The following ADK variants were observed in gnomAD, a reference collection of about 807,000 sequenced individuals.
ADK encodes N6,N6-dimethyladenosine kinase.
ADK carries 24 observed loss-of-function variants against 44.7 expected under a neutral mutation model. The observed-to-expected ratio is 0.54, with a 90% CI of 0.39 to 0.76. The LOEUF (loss-of-function observed/expected upper bound fraction) is 0.76. ADK is among the 30% of genes least tolerant of loss of function. The pLI is 0.00. For missense variants in ADK, 321 were observed against 425.1 expected (o/e 0.76, Z 2.15); for synonymous variants, 128 against 142.6 (o/e 0.90, Z 0.73).
intron 3 of ADK, among the ~76,000 whole-genome samples, chr10:74,256,158 C>T (rs796344749): frequency 8.5e-5 from 13 of 152,296 alleles, no homozygotes; most frequent in African/African-American, 2.9e-4. Context: ...CTGCGTGCAG[C>T]ATATTTATTA....
intron 3 of ADK, among the ~76,000 whole-genome samples, chr10:74,244,830 T>C (rs1237278609): frequency 4.6e-5 from 7 of 152,208 alleles, no homozygotes; most frequent in Admixed American, 4.6e-4. Flanking sequence ...GGGCAAACTA[T>C]GTGGTACAGT....
At chr10:74,240,394 GTGTGTGTC>G (rs1436915652) in intron 3 of ADK, among the ~76,000 whole-genome samples, 2 of 147,986 alleles carry the variant, frequency 1.4e-5, no homozygotes, top group African/African-American at 2.6e-5. Context: ...GTGTGTGTGT[GTGTGTGTC>G]TGTGTGTGTG....
At chr10:74,329,106 CA>C (rs138730631) in intron 4 of ADK, among the ~76,000 whole-genome samples, 2,684 of 82,076 alleles carry the variant, frequency 0.033, 42 homozygotes, top group African/African-American at 0.1. Flanking sequence ...TCTGTGCAGG[CA>C]AAAAAAAAAA....
intron 4 of ADK, among the ~76,000 whole-genome samples, chr10:74,363,068 G>T (rs548399030): frequency 3.3e-5 from 5 of 152,330 alleles, no homozygotes; most frequent in African/African-American, 1.2e-4. Context: ...CACCTCATTG[G>T]CTCAGATTAG....
intron 1 of ADK, among the ~76,000 whole-genome samples, chr10:74,163,401 CTGTTAGAATGATGAATCTCTTTTCTCTG>C (rs1239249280): frequency 6.6e-6 from 1 of 152,170 alleles, no homozygotes; most frequent in Non-Finnish European, 1.5e-5. Flanking sequence ...TCCCAGTGAC[CTGTTAGAATGATGAATCTCTTTTCTCTG>C]TGTTAGCAAG....
intron 9 of ADK, among the ~76,000 whole-genome samples, chr10:74,631,109 T>G (rs570357669): frequency 6.6e-6 from 1 of 152,248 alleles, no homozygotes; most frequent in Non-Finnish European, 1.5e-5. Context: ...ATCTCCAGGT[T>G]CAGCTTGTGT....
At chr10:74,182,471 C>A (rs189351817) in intron 1 of ADK, among the ~76,000 whole-genome samples, 1 of 152,150 alleles carries the variant, frequency 6.6e-6, no homozygotes, top group African/African-American at 2.4e-5. Context: ...CGGGTTCAAG[C>A]AATTATCCTC....
intron 7 of ADK, among the ~76,000 whole-genome samples, chr10:74,568,137 T>C (rs1321402624): frequency 6.6e-6 from 1 of 151,876 alleles, no homozygotes; most frequent in Non-Finnish European, 1.5e-5. Flanking sequence ...GATTATGAGG[T>C]GGGTGTTGCT....
chr10:74,202,579 C>T (rs1018285737), intron 2 of ADK, among the ~76,000 whole-genome samples: 5 of 152,100 alleles, frequency 3.3e-5, no homozygotes, highest in Admixed American at 2.0e-4. Flanking sequence ...GCATTCCTAC[C>T]GGCAGTGCAT....
At chr10:74,641,258 C>G (rs1357975572) in intron 9 of ADK, among the ~76,000 whole-genome samples, 4 of 152,140 alleles carry the variant, frequency 2.6e-5, no homozygotes, top group Non-Finnish European at 4.4e-5. Flanking sequence ...TGGCCCATGC[C>G]TAAAATCCCA....
chr10:74,422,611 ATATC>A (rs1285150448), intron 6 of ADK, among the ~76,000 whole-genome samples: 1 of 152,208 alleles, frequency 6.6e-6, no homozygotes, highest in Non-Finnish European at 1.5e-5. Context: ...ATTTTTCTGT[ATATC>A]TAAGTTCCCA....
chr10:74,199,393 T>C (rs1843288973), intron 1 of ADK, among the ~76,000 whole-genome samples: 1 of 152,200 alleles, frequency 6.6e-6, no homozygotes, highest in African/African-American at 2.4e-5. Context: ...CATCTTTGTG[T>C]CTCTGCGTAC....
At chr10:74,493,529 TATAG>T (rs759922622) in intron 6 of ADK, among the ~76,000 whole-genome samples, 27 of 151,250 alleles carry the variant, frequency 1.8e-4, no homozygotes, top group Non-Finnish European at 3.2e-4. Context: ...TAGATATAGA[TATAG>T]ATAGACATAG....
intron 2 of ADK, among the ~76,000 whole-genome samples, chr10:74,220,413 G>A (rs1189992749): frequency 6.6e-6 from 1 of 151,990 alleles, no homozygotes; most frequent in African/African-American, 2.4e-5. Context: ...AGGACCAGAT[G>A]GATTCACAGC....
intron 3 of ADK, among the ~76,000 whole-genome samples, chr10:74,283,585 A>C (rs1332732103): frequency 1.5e-4 from 21 of 142,028 alleles, no homozygotes. Context: ...AATGACTCTC[A>C]AATCTTACCC....
chr10:74,482,003 T>G (rs1003286636), intron 6 of ADK, among the ~76,000 whole-genome samples: 5 of 152,236 alleles, frequency 3.3e-5, no homozygotes, highest in African/African-American at 4.8e-5. Flanking sequence ...TAGTTTTTAG[T>G]CACTTTCAGC....
intron 10 of ADK, among the ~76,000 whole-genome samples, chr10:74,678,921 G>A (rs1332331472): frequency 6.6e-6 from 1 of 152,152 alleles, no homozygotes; most frequent in Non-Finnish European, 1.5e-5. Flanking sequence ...CATCCAACAT[G>A]TATCAGTTAG....
At chr10:74,432,308 T>C (rs1224001570) in intron 6 of ADK, among the ~76,000 whole-genome samples, 1 of 152,218 alleles carries the variant, frequency 6.6e-6, no homozygotes, top group East Asian at 1.9e-4. Flanking sequence ...AGACAGGCCA[T>C]ATTCCATATC....
intron 9 of ADK, among the ~76,000 whole-genome samples, chr10:74,611,797 A>T (rs1447939174): frequency 6.6e-6 from 1 of 152,080 alleles, no homozygotes; most frequent in Non-Finnish European, 1.5e-5. Context: ...GCTGCAAAGG[A>T]CATTATTTCC....
Sources: allele counts gnomAD v4.1 joint callset (sites outside exome capture counted in the v4.1 genomes callset), GRCh38; gene constraint gnomAD v4.1.1; transcripts MANE v1.5; gene names NCBI Gene and HGNC (gene_info 2026-07-23, HGNC 2026-07-21).